The following DACH1 variants were observed in gnomAD, a reference collection of about 807,000 sequenced individuals.
The protein encoded by DACH1 is dachshund homolog 1.
A neutral mutation model predicts 54.2 loss-of-function variants in DACH1; 12 were observed. The ratio of observed to expected loss-of-function variants is 0.22; its 90% CI spans 0.14 to 0.36. The LOEUF is 0.36. Ranked by LOEUF, DACH1 falls within the 10% of genes least tolerant of loss-of-function variation. DACH1 has a pLI of 1.00. For missense variants in DACH1, 805 were observed against 929.8 expected (o/e 0.87, Z 1.75); for synonymous variants, 386 against 366.2 (o/e 1.05, Z -0.62).
At chr13:71,457,688 CT>C (rs1566270748) in intron 10 of DACH1, among the ~76,000 whole-genome samples, 1 of 151,904 alleles carries the variant, frequency 6.6e-6, no homozygotes, top group African/African-American at 2.4e-5. Context: ...ACTGTCTTTT[CT>C]TTGTGGAAGG....
chr13:71,587,949 T>A lies in DACH1; in HGVS notation c.1127-14937A>T, dbSNP rs955768465. Among the ~76,000 whole-genome samples the A allele has an allele frequency of 2.0e-5, 3 of 152,246 alleles. No individual in the cohort carries two copies. The East Asian group carries it at 5.8e-4, about 29-fold the overall frequency. On this transcript the variant is annotated intron_variant, in intron 3 of 10. Transcript: ENST00000613252. ...GCTGTTGTGTAGCAATGATTCTGTA[T>A]CAATTACATTCGGTTGGTCCTGTAG...
intron 1 of DACH1, among the ~76,000 whole-genome samples, chr13:71,860,022 G>T (rs1374443115): frequency 1.3e-5 from 2 of 151,858 alleles, no homozygotes; most frequent in African/African-American, 2.4e-5. Flanking sequence ...AGCTCCATTA[G>T]GTGGGCTCTT....
At chr13:71,829,739 C>G (rs77270964) in intron 1 of DACH1, among the ~76,000 whole-genome samples, 8 of 151,882 alleles carry the variant, frequency 5.3e-5, no homozygotes, top group African/African-American at 1.9e-4. Flanking sequence ...ATGGTACATG[C>G]TAATGTCAGA....
At chr13:71,617,457 A>C (rs1039749671) in intron 3 of DACH1, among the ~76,000 whole-genome samples, 1 of 152,180 alleles carries the variant, frequency 6.6e-6, no homozygotes, top group Non-Finnish European at 1.5e-5. Flanking sequence ...TCAAACCACA[A>C]ATCACTCCAG....
chr13:71,796,214 G>C (rs7993768), intron 1 of DACH1, among the ~76,000 whole-genome samples: 4,067 of 152,154 alleles, frequency 0.027, 180 homozygotes, highest in African/African-American at 0.091. Context: ...TAGAATAATA[G>C]TGCTTGTTCT....
intron 6 of DACH1, among the ~76,000 whole-genome samples, chr13:71,505,329 C>T (rs1348777244): frequency 6.6e-6 from 1 of 152,194 alleles, no homozygotes; most frequent in African/African-American, 2.4e-5. Flanking sequence ...GATCCACCCA[C>T]CTCGGCCTCC....
At chr13:71,578,754 T>C (rs1885689113) in intron 3 of DACH1, among the ~76,000 whole-genome samples, 2 of 152,128 alleles carry the variant, frequency 1.3e-5, no homozygotes, top group African/African-American at 4.8e-5. Flanking sequence ...TGTAGTGGTT[T>C]AGCAAAGAAA....
chr13:71,777,929 T>TA (rs1886130975), intron 1 of DACH1, among the ~76,000 whole-genome samples: 1 of 151,322 alleles, frequency 6.6e-6, no homozygotes, highest in South Asian at 2.1e-4. Flanking sequence ...CCAGCCTGGG[T>TA]AAAATGGTAA....
At chr13:71,669,443 T>C (rs1159074330) in intron 2 of DACH1, among the ~76,000 whole-genome samples, 2 of 152,166 alleles carry the variant, frequency 1.3e-5, no homozygotes, top group Non-Finnish European at 2.9e-5. Context: ...TCTGTCACTG[T>C]CTCCCATCAC....
intron 10 of DACH1, among the ~76,000 whole-genome samples, chr13:71,443,969 G>C (rs1315856294): frequency 6.6e-6 from 1 of 152,008 alleles, no homozygotes; most frequent in Non-Finnish European, 1.5e-5. Flanking sequence ...TCTTCCGTTT[G>C]CTTAGCTTAA....
chr13:71,690,739 C>T (rs1042788906), intron 1 of DACH1, among the ~76,000 whole-genome samples: 2 of 152,136 alleles, frequency 1.3e-5, no homozygotes, highest in African/African-American at 2.4e-5. Flanking sequence ...CAAGACCAGC[C>T]TGGACAAGAT....
At chr13:71,706,142 C>T (rs1475329709) in intron 1 of DACH1, among the ~76,000 whole-genome samples, 1 of 151,918 alleles carries the variant, frequency 6.6e-6, no homozygotes, top group African/African-American at 2.4e-5. Context: ...ACAGAACTCA[C>T]AATAGAACCC....
rs1881559683 is a variant in DACH1 at position 71,692,521 on chromosome 13, T to C, written c.849-10611A>G. 3.6e-5 allele frequency among the ~76,000 whole-genome samples: 4 copies of C among 111,376 alleles called. No homozygotes were observed. The Admixed American group carries it at 3.6e-4, about 10-fold the overall frequency. The allele number at this position is 111,376 out of a possible 152,430, so 73.1% of individuals were successfully genotyped here. A position where few individuals can be genotyped will look rare whatever the true frequency, so the allele number is the denominator to read the frequency against. Reference sequence around the variant, plus strand: ...CTTTTCTTTCCTTTTTTTTTTTTTTTTTTTTTTTTTTTTTTTTTGACGGAG... The same window carrying C: ...CTTTTCTTTCCTTTTTTTTTTTTTTCTTTTTTTTTTTTTTTTTTGACGGAG... On this transcript the variant is annotated intron_variant, in intron 1 of 10. Coordinates refer to ENST00000613252, the MANE Select transcript of DACH1 (RefSeq NM_080759.6).
intron 2 of DACH1, 46 bp downstream of exon 2, chr13:71,681,749 T>C: frequency 2.2e-6 from 3 of 1,394,868 alleles, no homozygotes; most frequent in Non-Finnish European, 3.0e-6. Flanking sequence ...GCTACGACAT[T>C]GGCTGATTTT....
chr13:71,546,339 A>C (rs550642288), intron 6 of DACH1, among the ~76,000 whole-genome samples: 1 of 152,108 alleles, frequency 6.6e-6, no homozygotes, highest in South Asian at 2.1e-4. Context: ...TTTTAAAGTA[A>C]ATTTTTTAAC....
intron 6 of DACH1, among the ~76,000 whole-genome samples, chr13:71,516,333 T>C (rs1180136573): frequency 6.6e-6 from 1 of 151,798 alleles, no homozygotes; most frequent in Admixed American, 6.6e-5. Context: ...CTATAGTATC[T>C]TTCCTTTTAT....
Position 71,595,567 on chromosome 13 carries a change from C to T in DACH1, c.1127-22555G>A, listed in dbSNP as rs368734007. Among the ~76,000 whole-genome samples, 3 of 152,090 alleles carry T rather than the reference C, an allele frequency of 2.0e-5. No homozygotes were observed. In the East Asian group the frequency reaches 5.8e-4, roughly 29 times the overall value. On this transcript the variant is annotated intron_variant, in intron 3 of 10. Transcript: ENST00000613252. ...CAGAGGGAAGAATCAGAGATGGTTC[C>T]AAGGTTTTAGGCATGAACAAGTGTC...
intron 10 of DACH1, among the ~76,000 whole-genome samples, chr13:71,457,689 T>C (rs1875702405): frequency 6.6e-6 from 1 of 152,038 alleles, no homozygotes; most frequent in Non-Finnish European, 1.5e-5. Context: ...CTGTCTTTTC[T>C]TTGTGGAAGG....
chr13:71,585,761 T>A (rs1427919977), intron 3 of DACH1, among the ~76,000 whole-genome samples: 1 of 152,130 alleles, frequency 6.6e-6, no homozygotes, highest in Non-Finnish European at 1.5e-5. Flanking sequence ...ATTAAAGTGA[T>A]GTATCAGATA....
Sources: gnomAD v4.1 joint callset for allele counts (sites outside exome capture counted in the v4.1 genomes callset) on GRCh38, gnomAD v4.1.1 for gene constraint, MANE v1.5 for transcripts, NCBI Gene and HGNC (gene_info 2026-07-23, HGNC 2026-07-21) for gene names.